The following GPC5 variants were observed in gnomAD, a reference collection of about 807,000 sequenced individuals.
GPC5 encodes the protein glypican 5, also known as glypican-5.
Under a neutral mutation model 53.9 loss-of-function variants are expected in GPC5, and 47 were observed. The ratio of observed to expected loss-of-function variants is 0.87; its 90% CI spans 0.69 to 1.11. The LOEUF (loss-of-function observed/expected upper bound fraction) is 1.11. Among genes scored for constraint, GPC5 ranks in the 50% most tolerant of loss-of-function variants. GPC5 has a pLI of 0.00. For synonymous variants in GPC5, 286 were observed against 263.3 expected (o/e 1.09, Z -0.84); for missense variants, 748 against 713.1 (o/e 1.05, Z -0.56).
intron 7 of GPC5, among the ~76,000 whole-genome samples, chr13:92,637,712 C>T (rs1885452918): frequency 6.6e-6 from 1 of 151,944 alleles, no homozygotes; most frequent in South Asian, 2.1e-4. Context: ...TTCACTATGT[C>T]CAGCATTTGA....
At chr13:91,744,672 A>T (rs2037008935) in intron 4 of GPC5, among the ~76,000 whole-genome samples, 1 of 152,166 alleles carries the variant, frequency 6.6e-6, no homozygotes, top group Non-Finnish European at 1.5e-5. Context: ...CAAGTATTTT[A>T]TTAAAGTTCT....
At chr13:92,350,885 TA>T (rs1444756947) in intron 7 of GPC5, among the ~76,000 whole-genome samples, 1 of 152,006 alleles carries the variant, frequency 6.6e-6, no homozygotes, top group Non-Finnish European at 1.5e-5. Flanking sequence ...TATAAAGGAA[TA>T]AAAATATAGA....
intron 6 of GPC5, among the ~76,000 whole-genome samples, chr13:92,051,671 T>C (rs565929301): frequency 1.2e-4 from 18 of 152,330 alleles, no homozygotes; most frequent in African/African-American, 4.3e-4. Flanking sequence ...AGGCTGATAG[T>C]GTGAAACACA....
intron 6 of GPC5, among the ~76,000 whole-genome samples, chr13:92,096,698 C>T (rs185054616): frequency 6.6e-6 from 1 of 152,324 alleles, no homozygotes; most frequent in Admixed American, 6.5e-5. Context: ...ACTCTTCCTG[C>T]TCTCTAAGGA....
rs1403496848 is a variant in GPC5 at position 91,741,778 on chromosome 13, AC to A, written c.1154+13114del. ...GTAAATCAGTATTGAGATATACTGG[AC>A]TTAATGATGAATTGTATATACAAAT... On this transcript the variant is annotated intron_variant, in intron 4 of 7. Transcript: ENST00000377067. Among the ~76,000 whole-genome samples, 5 of 152,324 alleles carry A rather than the reference AC, an allele frequency of 3.3e-5. No homozygotes were observed. The East Asian group carries it at 9.6e-4, about 29-fold the overall frequency.
intron 7 of GPC5, chr13:92,721,511 A>G (rs1888507504): frequency 1.3e-5 from 2 of 152,048 alleles, no homozygotes; most frequent in African/African-American, 4.8e-5. Flanking sequence ...CAAAACACCA[A>G]TGCCAATGAC....
intron 7 of GPC5, among the ~76,000 whole-genome samples, chr13:92,304,668 C>G (rs187773323): frequency 1.9e-3 from 249 of 134,590 alleles, no homozygotes; most frequent in Non-Finnish European, 3.1e-3. Context: ...AATGCTTTCT[C>G]AAATATGTAA....
At chr13:92,656,217 G>A (rs1203036786) in intron 7 of GPC5, among the ~76,000 whole-genome samples, 2 of 152,310 alleles carry the variant, frequency 1.3e-5, no homozygotes, top group Non-Finnish European at 2.9e-5. Context: ...ATACAAGCCT[G>A]GAATGACTGG....
Position 91,443,892 on chromosome 13 carries a change from A to AT in GPC5, c.164-4865dup, listed in dbSNP as rs200272051. Among the ~76,000 whole-genome samples, 354 of 152,264 alleles carry AT rather than the reference A, an allele frequency of 2.3e-3. 2 individuals are homozygous for AT. The highest frequency in any genetic ancestry group is 0.013 in the East Asian group (66 of 5,182). On this transcript the variant is annotated intron_variant, in intron 1 of 7. Transcript: ENST00000377067. Reference sequence around the variant, plus strand: ...CCGTTTTTCCACACTAAAGATCCGGATTTTCAAGAATACAGGATGGAATTA... The same window carrying AT: ...CCGTTTTTCCACACTAAAGATCCGGATTTTTCAAGAATACAGGATGGAATTA...
At chr13:92,360,934 C>T (rs764100122) in intron 7 of GPC5, among the ~76,000 whole-genome samples, 3 of 151,696 alleles carry the variant, frequency 2.0e-5, no homozygotes, top group Non-Finnish European at 4.4e-5. Flanking sequence ...TATGGGGCAA[C>T]CTAGTCACGT....
At chr13:92,333,401 A>G (rs1262693471) in intron 7 of GPC5, among the ~76,000 whole-genome samples, 2 of 152,144 alleles carry the variant, frequency 1.3e-5, no homozygotes, top group African/African-American at 4.8e-5. Flanking sequence ...GAAATGCCCA[A>G]TTTCAGCCAC....
chr13:91,664,072 G>A (rs1014339279), intron 2 of GPC5, among the ~76,000 whole-genome samples: 6 of 152,164 alleles, frequency 3.9e-5, no homozygotes, highest in Non-Finnish European at 7.3e-5. Context: ...ATAATATAAT[G>A]AAAGATACTT....
chr13:91,596,856 G>A (rs575891165), intron 2 of GPC5, among the ~76,000 whole-genome samples: 9 of 152,130 alleles, frequency 5.9e-5, no homozygotes, highest in South Asian at 2.1e-4. Flanking sequence ...GTTATTTTCC[G>A]TGCCTTTCCT....
At chr13:92,132,205 A>C (rs1167132196) in intron 6 of GPC5, among the ~76,000 whole-genome samples, 1 of 152,134 alleles carries the variant, frequency 6.6e-6, no homozygotes, top group Non-Finnish European at 1.5e-5. Context: ...GTGGAAGAAA[A>C]TTAATGAGGC....
At chr13:92,025,790 T>C (rs918839741) in intron 6 of GPC5, among the ~76,000 whole-genome samples, 1 of 152,194 alleles carries the variant, frequency 6.6e-6, no homozygotes, top group Admixed American at 6.6e-5. Flanking sequence ...AATATGATCC[T>C]TGATATTTCT....
At chr13:91,887,979 G>A (rs2138962931) in intron 5 of GPC5, among the ~76,000 whole-genome samples, 1 of 152,186 alleles carries the variant, frequency 6.6e-6, no homozygotes, top group African/African-American at 2.4e-5. Context: ...CCACATTTTT[G>A]GGTATGTTAA....
rs772840712 is a variant in GPC5, at chr13:91,785,045, G to A, written c.1280+28625G>A. ...CCCGTTGTTTGGTACAGTTCTTCTCGTGGCTACACGGATTCCACATTCTCT... is the reference window on the plus strand; with the variant it reads ...CCCGTTGTTTGGTACAGTTCTTCTCATGGCTACACGGATTCCACATTCTCT... On this transcript the variant is annotated intron_variant, in intron 5 of 7. Coordinates refer to ENST00000377067, the MANE Select transcript of GPC5 (RefSeq NM_004466.6). 6.6e-5 allele frequency among the ~76,000 whole-genome samples: 10 copies of A among 152,242 alleles called. 1 individual carries two copies. In the Middle Eastern group the frequency reaches 0.02, roughly 311 times the overall value.
At chr13:92,247,074 C>G (rs957599083) in intron 7 of GPC5, among the ~76,000 whole-genome samples, 3 of 152,098 alleles carry the variant, frequency 2.0e-5, no homozygotes, top group Non-Finnish European at 4.4e-5. Context: ...TTGTGCAGGA[C>G]ATTGTGTAAA....
At chr13:92,785,281 A>C (rs886881454) in intron 7 of GPC5, among the ~76,000 whole-genome samples, 1 of 151,818 alleles carries the variant, frequency 6.6e-6, no homozygotes, top group African/African-American at 2.4e-5. Context: ...ATCTCAAAAA[A>C]TAATAAGAAG....
Sources: gnomAD v4.1 joint callset for allele counts (sites outside exome capture counted in the v4.1 genomes callset) on GRCh38, gnomAD v4.1.1 for gene constraint, MANE v1.5 for transcripts, NCBI Gene and HGNC (gene_info 2026-07-23, HGNC 2026-07-21) for gene names.